The following PAPPA variants were observed in gnomAD, a reference collection of about 807,000 sequenced individuals.
PAPPA encodes pappalysin-1.
In PAPPA, 60 loss-of-function variants were observed where a neutral mutation model predicts 164.0. The observed-to-expected ratio is 0.37, with a 90% CI of 0.30 to 0.45. The LOEUF (loss-of-function observed/expected upper bound fraction) is 0.45. Ranked by LOEUF, PAPPA falls within the 20% of genes least tolerant of loss-of-function variation. The probability of loss-of-function intolerance (pLI) is 1.00; values close to 1 mark genes in which losing one functional copy is unlikely to be tolerated. For missense variants in PAPPA, 1,782 were observed against 2,087.3 expected (o/e 0.85, Z 2.85); for synonymous variants, 875 against 814.1 (o/e 1.07, Z -1.27).
At chr9:116,156,796 T>C (rs10983070) in intron 1 of PAPPA, among the ~76,000 whole-genome samples, 67,460 of 152,064 alleles carry the variant, frequency 0.44, 18,141 homozygotes, top group Non-Finnish European at 0.61. Context: ...CTGCTTCTCC[T>C]TGAATTAAAA....
chr9:116,357,341 T>C (rs537025663), intron 17 of PAPPA, among the ~76,000 whole-genome samples: 1 of 152,244 alleles, frequency 6.6e-6, no homozygotes. Flanking sequence ...CTTACGGTAT[T>C]CTCGTCTCTT....
intron 5 of PAPPA, 130 bp downstream of exon 5, chr9:116,220,259 C>T: frequency 1.7e-6 from 1 of 577,796 alleles, no homozygotes. Flanking sequence ...GTATCTCCAC[C>T]ACCTAGCATG....
chr9:116,215,186 A>G (rs964863926), intron 4 of PAPPA, among the ~76,000 whole-genome samples: 1 of 152,146 alleles, frequency 6.6e-6, no homozygotes, highest in Non-Finnish European at 1.5e-5. Context: ...TGGAGTGAGG[A>G]GACCCAAGTT....
At chr9:116,232,679 T>A (rs1371444073) in intron 6 of PAPPA, among the ~76,000 whole-genome samples, 1 of 152,232 alleles carries the variant, frequency 6.6e-6, no homozygotes, top group Non-Finnish European at 1.5e-5. Context: ...GATGGTCAAC[T>A]CGTGAAGGCT....
At chr9:116,386,765 A>C (rs1188916030) in intron 21 of PAPPA, among the ~76,000 whole-genome samples, 1 of 152,174 alleles carries the variant, frequency 6.6e-6, no homozygotes, top group East Asian at 1.9e-4. Context: ...GAACTTTGGC[A>C]AAGAGGAGAG....
intron 1 of PAPPA, among the ~76,000 whole-genome samples, chr9:116,184,838 G>A (rs922979730): frequency 9.9e-5 from 15 of 152,114 alleles, no homozygotes; most frequent in South Asian, 2.1e-4. Context: ...ACCCTTTCTC[G>A]TCTCCGGCTC....
intron 1 of PAPPA, among the ~76,000 whole-genome samples, chr9:116,170,042 G>A (rs1843758641): frequency 6.6e-6 from 1 of 152,136 alleles, no homozygotes; most frequent in Non-Finnish European, 1.5e-5. Flanking sequence ...GGGTTCAGAA[G>A]TACTTGATTT....
intron 19 of PAPPA, among the ~76,000 whole-genome samples, chr9:116,374,523 G>T (rs1229944089): frequency 1.3e-5 from 2 of 152,126 alleles, no homozygotes; most frequent in Non-Finnish European, 2.9e-5. Context: ...GCAGCCCTGA[G>T]TAATAGTGGA....
intron 9 of PAPPA, among the ~76,000 whole-genome samples, chr9:116,300,762 G>T (rs1173905810): frequency 6.6e-6 from 1 of 152,130 alleles, no homozygotes; most frequent in Non-Finnish European, 1.5e-5. Flanking sequence ...CTAGGGGAAA[G>T]TTGCTTGAAT....
intron 7 of PAPPA, among the ~76,000 whole-genome samples, chr9:116,261,510 C>A (rs111604261): frequency 2.0e-5 from 3 of 152,234 alleles, no homozygotes; most frequent in African/African-American, 7.2e-5. Flanking sequence ...GAAAAACAGA[C>A]CCCCGCAAAA....
chr9:116,389,279 C>A (rs1425332903), intron 21 of PAPPA, among the ~76,000 whole-genome samples: 1 of 152,004 alleles, frequency 6.6e-6, no homozygotes, highest in Admixed American at 6.6e-5. Context: ...ATTACAGGCA[C>A]ACACCACCAC....
At chr9:116,259,941 C>T (rs1844981440) in intron 7 of PAPPA, among the ~76,000 whole-genome samples, 1 of 151,782 alleles carries the variant, frequency 6.6e-6, no homozygotes, top group Non-Finnish European at 1.5e-5. Flanking sequence ...AAAAGAATGG[C>T]CAAATAAATT....
Position 116,400,476 on chromosome 9 carries a change from T to A in PAPPA, c.*3860T>A, listed in dbSNP as rs990081676. 27 of 152,086 alleles carry A rather than the reference T, an allele frequency of 1.8e-4. 2 individuals carry two copies. Among genetic ancestry groups the A allele is most frequent in the Non-Finnish European group, 8.8e-5 (6 of 68,010 alleles). The allele number at this position is 152,086 out of a possible 1,614,324, so 9.4% of individuals were successfully genotyped here. A position where few individuals can be genotyped will look rare whatever the true frequency, so the allele number is the denominator to read the frequency against. ...GTAGTAGGGAGTGGGAGGGCTTATA[T>A]TGGTTTTTCCAGCTATTAAGGGGAC... On this transcript the variant is annotated 3_prime_UTR_variant, in exon 22 of 22. Coordinates refer to ENST00000328252, the MANE Select transcript of PAPPA (RefSeq NM_002581.5).
intron 9 of PAPPA, among the ~76,000 whole-genome samples, chr9:116,284,450 A>C (rs1174727725): frequency 2.0e-5 from 3 of 151,562 alleles, no homozygotes; most frequent in Admixed American, 6.6e-5. Flanking sequence ...CCTACTCTTT[A>C]AGTATCAGCA....
At chr9:116,327,808 C>T (rs768340840) in intron 10 of PAPPA, among the ~76,000 whole-genome samples, 4 of 152,154 alleles carry the variant, frequency 2.6e-5, no homozygotes, top group Non-Finnish European at 4.4e-5. Flanking sequence ...AAGGGTTTGC[C>T]TCTCTCTTCC....
At chr9:116,351,668 G>A (rs146601280) in intron 15 of PAPPA, among the ~76,000 whole-genome samples, 63 of 152,224 alleles carry the variant, frequency 4.1e-4, no homozygotes, top group African/African-American at 1.4e-3. Flanking sequence ...TGATAACTTG[G>A]TCAAGTCACC....
At chr9:116,294,787 T>C (rs1183873957) in intron 9 of PAPPA, among the ~76,000 whole-genome samples, 2 of 152,224 alleles carry the variant, frequency 1.3e-5, no homozygotes, top group Non-Finnish European at 2.9e-5. Context: ...ACTTAAAATA[T>C]GCTACTTTTT....
At chr9:116,229,077 GC>G (rs1264628987) in intron 6 of PAPPA, among the ~76,000 whole-genome samples, 1 of 152,176 alleles carries the variant, frequency 6.6e-6, no homozygotes, top group African/African-American at 2.4e-5. Flanking sequence ...ATGTGAACAG[GC>G]TTATGGTAAT....
chr9:116,332,255 A>C (rs1369839667), intron 11 of PAPPA, 78 bp from the exon 12 acceptor site: 10 of 1,328,356 alleles, frequency 7.5e-6, no homozygotes, highest in African/African-American at 1.4e-5. Context: ...GTTTCTCCTC[A>C]AATGCACCCC....
Sources: allele counts gnomAD v4.1 joint callset (sites outside exome capture counted in the v4.1 genomes callset), GRCh38; gene constraint gnomAD v4.1.1; transcripts MANE v1.5; gene names NCBI Gene and HGNC (gene_info 2026-07-23, HGNC 2026-07-21).